EBF2: variants seen among roughly 807,000 people sequenced by gnomAD.
EBF2 encodes the protein transcription factor COE2.
EBF2 carries 21 observed loss-of-function variants against 72.8 expected under a neutral mutation model. The ratio of observed to expected loss-of-function variants is 0.29; its 90% CI spans 0.20 to 0.42. EBF2 has a LOEUF of 0.42. Among genes scored for constraint, EBF2 ranks in the 10% least tolerant of loss-of-function variants. The probability of loss-of-function intolerance (pLI) is 1.00; values close to 1 mark genes in which losing one functional copy is unlikely to be tolerated. For missense variants in EBF2, 637 were observed against 731.2 expected, an observed-to-expected ratio of 0.87 and a Z score of 1.49; for synonymous variants, 299 against 274.2, an observed-to-expected ratio of 1.09 and a Z score of -0.89.
chr8:25,850,795 T>A, intron 14 of EBF2, 34 bp from the exon 15 acceptor site: 1 of 1,541,524 alleles, frequency 6.5e-7, no homozygotes, highest in Non-Finnish European at 8.7e-7. Flanking sequence ...CATTTAGAAA[T>A]TAAGATCTTC....
intron 6 of EBF2, among the ~76,000 whole-genome samples, chr8:26,017,481 A>G (rs1401299105): frequency 1.3e-5 from 2 of 152,298 alleles, no homozygotes; most frequent in East Asian, 3.9e-4. Flanking sequence ...CCCTCACAGG[A>G]GGTCTCTGGG....
At chr8:25,989,054 A>G (rs1356186355) in intron 6 of EBF2, among the ~76,000 whole-genome samples, 3 of 152,252 alleles carry the variant, frequency 2.0e-5, no homozygotes, top group African/African-American at 7.2e-5. Context: ...CAGGCAACCT[A>G]GGCTCTGTCA....
At chr8:25,861,280 CAA>C in intron 12 of EBF2, 27 bp downstream of exon 12, 2 of 1,613,974 alleles carry the variant, frequency 1.2e-6, no homozygotes, top group South Asian at 2.2e-5. Flanking sequence ...GTGCAAAACT[CAA>C]TAAAGGATAG....
At chr8:25,916,622 T>G (rs1029076470) in intron 6 of EBF2, among the ~76,000 whole-genome samples, 4 of 151,988 alleles carry the variant, frequency 2.6e-5, no homozygotes, top group African/African-American at 9.7e-5. Flanking sequence ...CCTTAATTTT[T>G]AAGAGAGAGA....
intron 7 of EBF2, among the ~76,000 whole-genome samples, chr8:25,895,934 T>C (rs1802857972): frequency 1.5e-5 from 2 of 135,156 alleles, no homozygotes; most frequent in African/African-American, 6.9e-5. Flanking sequence ...TGTGTGTGTG[T>C]GTGTGTGTGT....
chr8:26,002,158 C>A (rs1336002064), intron 6 of EBF2, among the ~76,000 whole-genome samples: 1 of 152,114 alleles, frequency 6.6e-6, no homozygotes, highest in African/African-American at 2.4e-5. Context: ...ATCAAAGGTG[C>A]CAGCCCAGGG....
intron 6 of EBF2, among the ~76,000 whole-genome samples, chr8:25,960,169 T>C (rs1418876304): frequency 6.6e-6 from 1 of 152,192 alleles, no homozygotes; most frequent in Non-Finnish European, 1.5e-5. Flanking sequence ...TGAGTCAGGA[T>C]AGGCAGACTC....
At chr8:25,863,065 AAATT>A (rs35855963) in intron 10 of EBF2, among the ~76,000 whole-genome samples, 42,330 of 151,818 alleles carry the variant, frequency 0.28, 6,109 homozygotes, top group South Asian at 0.39. Flanking sequence ...ATCAAATAAA[AAATT>A]AAGCAACCAT....
chr8:25,856,790 T>TA (rs1423374038), intron 14 of EBF2, among the ~76,000 whole-genome samples: 3 of 152,194 alleles, frequency 2.0e-5, no homozygotes, highest in African/African-American at 7.2e-5. Context: ...TGAGCTACTT[T>TA]AAAAAATAAT....
chr8:25,886,620 C>T (rs1300858387), intron 10 of EBF2, 135 bp downstream of exon 10: 3 of 1,059,510 alleles, frequency 2.8e-6, no homozygotes, highest in Non-Finnish European at 4.0e-6. Flanking sequence ...CATTCAACAT[C>T]TATCACTCAG....
rs941094495 is a variant in EBF2, at chr8:26,044,606, G to A, written c.131+123C>T. The A allele has an allele frequency of 6.0e-5, 85 of 1,413,368 alleles. No individual in the cohort carries two copies. Among genetic ancestry groups the A allele is most frequent in the Non-Finnish European group, 7.8e-5 (81 of 1,042,026 alleles). 87.6% of individuals were successfully genotyped at this position (1,413,368 alleles called of 1,614,324 possible). On this transcript the variant is annotated intron_variant, in intron 1 of 15. Coordinates refer to ENST00000520164, the MANE Select transcript of EBF2 (RefSeq NM_022659.4). The surrounding 1 kb of genome is among the most constrained non-coding windows in gnomAD (Gnocchi z 4.1). ...CCGAGGGCGAGCCCCAGCGCGCAGG[G>A]CCTGGGCGACAGATGGGGGGACAGG...
At chr8:25,933,517 G>A (rs574513136) in intron 6 of EBF2, among the ~76,000 whole-genome samples, 2 of 152,260 alleles carry the variant, frequency 1.3e-5, no homozygotes, top group African/African-American at 2.4e-5. Flanking sequence ...TGGCTGTATG[G>A]CGATATAGAT....
intron 6 of EBF2, among the ~76,000 whole-genome samples, chr8:25,980,787 C>CAAAA (rs34271943): frequency 2.1e-4 from 14 of 67,144 alleles, no homozygotes; most frequent in African/African-American, 7.6e-4. Flanking sequence ...GAGGCCACCA[C>CAAAA]AAAAAAAAAA....
intron 6 of EBF2, among the ~76,000 whole-genome samples, chr8:25,964,235 C>T (rs1402650017): frequency 6.6e-6 from 1 of 150,506 alleles, no homozygotes; most frequent in African/African-American, 2.5e-5. Context: ...CGGTGAGTGT[C>T]TGCAAAGAGC....
intron 6 of EBF2, among the ~76,000 whole-genome samples, chr8:25,971,836 A>C (rs1342949681): frequency 2.6e-5 from 4 of 152,180 alleles, no homozygotes; most frequent in African/African-American, 9.6e-5. Context: ...CAAAAAAACA[A>C]AAATAGGGCA....
At chr8:25,902,858 G>C (rs1802977652) in intron 7 of EBF2, among the ~76,000 whole-genome samples, 2 of 152,174 alleles carry the variant, frequency 1.3e-5, no homozygotes, top group South Asian at 4.1e-4. Flanking sequence ...CCCAGGCAGA[G>C]GGGTGAACAT....
intron 6 of EBF2, among the ~76,000 whole-genome samples, chr8:25,939,252 C>T (rs1803630105): frequency 6.6e-6 from 1 of 152,142 alleles, no homozygotes; most frequent in African/African-American, 2.4e-5. Context: ...TGCTTTAAAA[C>T]TTAGAGATAT....
At chr8:25,850,875 G>A in intron 14 of EBF2, 114 bp from the exon 15 acceptor site, 2 of 1,257,514 alleles carry the variant, frequency 1.6e-6, no homozygotes, top group Non-Finnish European at 2.1e-6. Flanking sequence ...CCAGATTGCA[G>A]GGATTAAAAA....
At chr8:26,007,454 T>G (rs1804900631) in intron 6 of EBF2, among the ~76,000 whole-genome samples, 2 of 152,272 alleles carry the variant, frequency 1.3e-5, no homozygotes, top group African/African-American at 4.8e-5. Context: ...TTCTCCTCTA[T>G]TTCATTTGAG....
Sources: allele counts gnomAD v4.1 joint callset (sites outside exome capture counted in the v4.1 genomes callset), GRCh38; gene constraint gnomAD v4.1.1; non-coding constraint Gnocchi (gnomAD v3.1); transcripts MANE v1.5; gene names NCBI Gene and HGNC (gene_info 2026-07-23, HGNC 2026-07-21).